The following FHIT variants were observed in gnomAD, a reference collection of about 807,000 sequenced individuals.
FHIT encodes bis(5'-adenosyl)-triphosphatase.
FHIT carries 19 observed loss-of-function variants against 17.9 expected under a neutral mutation model. That is an observed-to-expected ratio of 1.06 (90% CI 0.74 to 1.56). The LOEUF (loss-of-function observed/expected upper bound fraction) is 1.56. FHIT is among the 40% of genes most tolerant of loss of function. The probability of loss-of-function intolerance (pLI) is 0.00; values close to 1 mark genes in which losing one functional copy is unlikely to be tolerated. For missense variants in FHIT, 248 were observed against 189.2 expected (o/e 1.31, Z -1.82); for synonymous variants, 81 against 69.7 (o/e 1.16, Z -0.81).
At chr3:60,719,383 A>T (rs1350711087) in intron 4 of FHIT, among the ~76,000 whole-genome samples, 1 of 152,148 alleles carries the variant, frequency 6.6e-6, no homozygotes, top group African/African-American at 2.4e-5. Context: ...CTGTTTGCAC[A>T]TTCTCAATGA....
At position 60,134,491 on chromosome 3, in the gene FHIT, A is replaced by G. The variant is rs544696469; in HGVS notation, c.104-120339T>C. 3.9e-5 allele frequency among the ~76,000 whole-genome samples: 6 copies of G among 152,322 alleles called. 1 individual carries two copies. The South Asian group carries it at 1.2e-3, about 32-fold the overall frequency. ...GGCGTGGGGCCCACAGGCCTTTACA[A>G]AACTTCATAGGTTTATACCTACATA... On this transcript the variant is annotated intron_variant, in intron 5 of 9. Transcript: ENST00000492590.
chr3:60,533,058 T>TA, intron 5 of FHIT, among the ~76,000 whole-genome samples: 1 of 152,174 alleles, frequency 6.6e-6, no homozygotes, highest in East Asian at 1.9e-4. Context: ...CATTCACAAA[T>TA]TAACATGTAA....
intron 8 of FHIT, among the ~76,000 whole-genome samples, chr3:59,902,383 A>G (rs1704369732): frequency 6.6e-6 from 1 of 152,160 alleles, no homozygotes; most frequent in South Asian, 2.1e-4. Context: ...AAAAGAGTAC[A>G]GAGTTTCCTC....
intron 7 of FHIT, among the ~76,000 whole-genome samples, chr3:59,997,136 G>A (rs939906239): frequency 2.0e-5 from 3 of 152,086 alleles, no homozygotes; most frequent in Non-Finnish European, 4.4e-5. Flanking sequence ...TGTGATTCTA[G>A]GCAACACGTT....
chr3:60,821,149 G>T (rs2166814), intron 4 of FHIT, among the ~76,000 whole-genome samples: 128,846 of 151,916 alleles, frequency 0.85, 55,474 homozygotes, highest in East Asian at 0.94. Flanking sequence ...CTAATTTTTG[G>T]ATTTTTGGTA....
At chr3:60,941,371 T>C (rs1021501056) in intron 3 of FHIT, among the ~76,000 whole-genome samples, 1 of 152,148 alleles carries the variant, frequency 6.6e-6, no homozygotes, top group African/African-American at 2.4e-5. Context: ...TTTTCTACTC[T>C]GTGTTTTAAA....
chr3:60,591,349 T>A (rs1553664197), intron 4 of FHIT, among the ~76,000 whole-genome samples: 4 of 151,616 alleles, frequency 2.6e-5, no homozygotes, highest in African/African-American at 9.7e-5. Context: ...TTTCCAAACC[T>A]AATGAGAGAT....
chr3:60,576,003 G>C (rs183669659), intron 4 of FHIT, among the ~76,000 whole-genome samples: 14 of 152,206 alleles, frequency 9.2e-5, no homozygotes, highest in Non-Finnish European at 1.9e-4. Context: ...GGCAAATAAA[G>C]GAGGGAATGA....
intron 5 of FHIT, among the ~76,000 whole-genome samples, chr3:60,158,981 G>T (rs1345043876): frequency 6.6e-6 from 1 of 152,052 alleles, no homozygotes; most frequent in Non-Finnish European, 1.5e-5. Flanking sequence ...TGTTCCTGGA[G>T]GTCTCTAGCT....
intron 3 of FHIT, among the ~76,000 whole-genome samples, chr3:60,995,360 G>A (rs2030591796): frequency 2.6e-5 from 4 of 152,064 alleles, no homozygotes; most frequent in Admixed American, 2.6e-4. Context: ...TAACTCTGCT[G>A]CTGCCTCAAA....
intron 5 of FHIT, among the ~76,000 whole-genome samples, chr3:60,195,095 G>C (rs1017786019): frequency 2.0e-5 from 3 of 152,094 alleles, no homozygotes; most frequent in African/African-American, 7.2e-5. Context: ...GAACCCAGAA[G>C]GCGGACGTTG....
chr3:59,817,032 T>C (rs1023167544), intron 8 of FHIT, among the ~76,000 whole-genome samples: 1 of 152,158 alleles, frequency 6.6e-6, no homozygotes, highest in South Asian at 2.1e-4. Flanking sequence ...AGGGAGCAGG[T>C]AGAAGCAGAT....
In FHIT at chr3:59,977,718, C is replaced by T. The variant is rs901363560; in HGVS notation, c.279+33653G>A. Among the ~76,000 whole-genome samples, 5 of 152,222 alleles carry T rather than the reference C, an allele frequency of 3.3e-5. No homozygotes were observed. The East Asian group carries it at 9.7e-4, about 29-fold the overall frequency. On this transcript the variant is annotated intron_variant, in intron 7 of 9. Coordinates refer to ENST00000492590, the MANE Select transcript of FHIT (RefSeq NM_002012.4). ...TTAAAAAATCTAAAGCAAAGAGATTCTCTCATGCCAGGATTGAATGAATTT... is the reference window on the plus strand; with the variant it reads ...TTAAAAAATCTAAAGCAAAGAGATTTTCTCATGCCAGGATTGAATGAATTT...
At chr3:61,081,018 G>A (rs2035121126) in intron 2 of FHIT, among the ~76,000 whole-genome samples, 1 of 152,122 alleles carries the variant, frequency 6.6e-6, no homozygotes, top group Non-Finnish European at 1.5e-5. Context: ...TTTCAAGGCG[G>A]CCTGGAGAGA....
chr3:59,808,364 AG>A (rs1700284057), intron 8 of FHIT, among the ~76,000 whole-genome samples: 1 of 152,136 alleles, frequency 6.6e-6, no homozygotes, highest in African/African-American at 2.4e-5. Flanking sequence ...TGGGCTTGAA[AG>A]GCTGGCTCTT....
intron 5 of FHIT, among the ~76,000 whole-genome samples, chr3:60,528,768 ATTAC>A (rs2035666325): frequency 6.6e-6 from 1 of 152,120 alleles, no homozygotes; most frequent in Non-Finnish European, 1.5e-5. Flanking sequence ...ATACACAAGT[ATTAC>A]TTATTACCCT....
chr3:61,119,154 C>G (rs1399726907), intron 2 of FHIT, among the ~76,000 whole-genome samples: 2 of 152,304 alleles, frequency 1.3e-5, no homozygotes, highest in African/African-American at 2.4e-5. Context: ...AGCCTTCCCT[C>G]ACAGTGGGCT....
At chr3:60,473,845 C>T (rs577633529) in intron 5 of FHIT, among the ~76,000 whole-genome samples, 23 of 152,138 alleles carry the variant, frequency 1.5e-4, no homozygotes, top group African/African-American at 5.1e-4. Context: ...ATTACTTGAA[C>T]CCGGGAGGAG....
At chr3:60,891,587 G>C (rs9876426) in intron 3 of FHIT, among the ~76,000 whole-genome samples, 2,832 of 152,236 alleles carry the variant, frequency 0.019, 79 homozygotes, top group African/African-American at 0.063. Context: ...AGTTCTAGAA[G>C]TCATACGTGT....
Sources: gnomAD v4.1 joint callset for allele counts (sites outside exome capture counted in the v4.1 genomes callset) on GRCh38, gnomAD v4.1.1 for gene constraint, MANE v1.5 for transcripts, NCBI Gene and HGNC (gene_info 2026-07-23, HGNC 2026-07-21) for gene names.